The following ARHGAP29 variants were observed in gnomAD, a reference collection of about 807,000 sequenced individuals.
ARHGAP29 encodes Rho GTPase activating protein 29.
ARHGAP29 carries 43 observed loss-of-function variants against 122.6 expected under a neutral mutation model. The observed-to-expected ratio is 0.35, with a 90% confidence interval of 0.27 to 0.45. The LOEUF is 0.45. Ranked by LOEUF, ARHGAP29 falls within the 20% of genes least tolerant of loss-of-function variation. The pLI, the probability that ARHGAP29 is intolerant of heterozygous loss-of-function variation, is 1.00. For synonymous variants in ARHGAP29, 506 were observed against 497.1 expected, an observed-to-expected ratio of 1.02 and a Z score of -0.24; for missense variants, 1,303 against 1,477.2, an observed-to-expected ratio of 0.88 and a Z score of 1.93.
At chr1:94,180,685 C>G (rs1289285027) in intron 19 of ARHGAP29, among the ~76,000 whole-genome samples, 1 of 152,174 alleles carries the variant, frequency 6.6e-6, no homozygotes, top group Non-Finnish European at 1.5e-5. Flanking sequence ...CTACACCACT[C>G]TGGGATCTGA....
chr1:94,219,650 G>A lies in ARHGAP29; in HGVS notation c.340+608C>T, dbSNP rs928656722. 2.6e-5 allele frequency among the ~76,000 whole-genome samples: 4 copies of A among 151,764 alleles called. No individual in the cohort carries two copies. In the East Asian group the frequency reaches 7.7e-4, roughly 29 times the overall value. On this transcript the variant is annotated intron_variant, in intron 3 of 22. Coordinates refer to ENST00000260526, the MANE Select transcript of ARHGAP29 (RefSeq NM_004815.4). ...TCATTTCTTCTCAAATACTCACTTCGCTCTCAATCCTTCTTTTATATACTG... is the reference window on the plus strand; with the variant it reads ...TCATTTCTTCTCAAATACTCACTTCACTCTCAATCCTTCTTTTATATACTG...
At chr1:94,263,519 G>A (rs1654641778) in intron 1 of ARHGAP29, among the ~76,000 whole-genome samples, 1 of 152,142 alleles carries the variant, frequency 6.6e-6, no homozygotes, top group African/African-American at 2.4e-5. Context: ...AATATCACAT[G>A]AGGAGGCAGA....
chr1:94,198,826 G>A lies in ARHGAP29; in HGVS notation c.1281+2894C>T, dbSNP rs76244196. ...AAAATGTTGGCAAGAGTTTTTTGGA[G>A]ATATGGACAAGCTGATTCTAACATT... is the stretch of plus-strand genomic sequence containing the variant. On this transcript the variant is annotated intron_variant, in intron 12 of 22. Transcript: ENST00000260526. Among the ~76,000 whole-genome samples the A allele has an allele frequency of 3.6e-3, 554 of 152,258 alleles. 1 individual carries two copies. Among genetic ancestry groups the A allele is most frequent in the African/African-American group, 0.013 (528 of 41,568 alleles).
chr1:94,272,364 C>T (rs1390738926), intron 1 of ARHGAP29, among the ~76,000 whole-genome samples: 1 of 152,168 alleles, frequency 6.6e-6, no homozygotes, highest in East Asian at 1.9e-4. Context: ...AGAGCTGCTC[C>T]TTGAACTTGT....
At chr1:94,237,651 G>C (rs1398809108), upstream of ARHGAP29, 5 of 986,336 alleles carry the variant, frequency 5.1e-6, no homozygotes, top group Non-Finnish European at 4.8e-6. Flanking sequence ...CCGCCCCCTG[G>C]AGCCCAGCCC....
At chr1:94,260,229 T>C (rs1654508325) in intron 1 of ARHGAP29, among the ~76,000 whole-genome samples, 1 of 152,348 alleles carries the variant, frequency 6.6e-6, no homozygotes, top group African/African-American at 2.4e-5. Flanking sequence ...CCTGTCTATC[T>C]GAGGGGCTTC....
At chr1:94,298,262 G>A in the ARHGAP29 span, among the ~76,000 whole-genome samples, 6 of 152,076 alleles carry the variant, frequency 3.9e-5, no homozygotes, top group Admixed American at 3.3e-4. Flanking sequence ...TTTAAGTAAC[G>A]TGCATTTAAT....
intron 20 of ARHGAP29, 148 bp from the exon 21 acceptor site, chr1:94,178,315 G>A: frequency 1.4e-6 from 1 of 711,040 alleles, no homozygotes; most frequent in Non-Finnish European, 2.2e-6. Flanking sequence ...ATATTTATTT[G>A]ATTAAAATAT....
upstream of ARHGAP29, among the ~76,000 whole-genome samples, chr1:94,277,715 CCCT>C (rs1341461063): frequency 6.6e-6 from 1 of 152,056 alleles, no homozygotes; most frequent in East Asian, 1.9e-4. Context: ...CTCTGCAATT[CCCT>C]CCTCCTTCTC....
the ARHGAP29 span, among the ~76,000 whole-genome samples, chr1:94,286,088 T>C: frequency 3.9e-5 from 6 of 152,134 alleles, no homozygotes; most frequent in Admixed American, 3.3e-4. Flanking sequence ...TTCACAGTTA[T>C]GAGGGCTGGA....
intron 12 of ARHGAP29, chr1:94,191,644 AC>A (rs1336622624): frequency 6.6e-6 from 1 of 152,194 alleles, no homozygotes; most frequent in Non-Finnish European, 1.5e-5. Flanking sequence ...ACGCTAGGTG[AC>A]CTTCATCAAG....
intron 2 of ARHGAP29, among the ~76,000 whole-genome samples, chr1:94,230,124 T>C (rs1272359172): frequency 6.6e-6 from 1 of 151,722 alleles, no homozygotes; most frequent in African/African-American, 2.4e-5. Context: ...TATCAAGAAG[T>C]ATACATTTTA....
At chr1:94,219,291 T>C (rs1015790677) in intron 3 of ARHGAP29, among the ~76,000 whole-genome samples, 1 of 152,156 alleles carries the variant, frequency 6.6e-6, no homozygotes. Flanking sequence ...TCCATCTCCC[T>C]ACCTGTTAGG....
At chr1:94,215,527 T>C (rs1018988217) in intron 3 of ARHGAP29, among the ~76,000 whole-genome samples, 2 of 151,974 alleles carry the variant, frequency 1.3e-5, no homozygotes, top group African/African-American at 4.8e-5. Context: ...TGTGAGAATG[T>C]AGTGTATTTA....
chr1:94,264,654 C>A (rs1294858673), intron 1 of ARHGAP29, among the ~76,000 whole-genome samples: 1 of 152,100 alleles, frequency 6.6e-6, no homozygotes, highest in African/African-American at 2.4e-5. Context: ...TTACCTGGGG[C>A]TCAGTCACCT....
chr1:94,207,955 C>G (rs1651321667), intron 5 of ARHGAP29, among the ~76,000 whole-genome samples: 1 of 151,694 alleles, frequency 6.6e-6, no homozygotes, highest in African/African-American at 2.4e-5. Flanking sequence ...AATCCCCCCT[C>G]TCAGCTTCCC....
At chr1:94,220,974 C>T (rs1406167419) in intron 2 of ARHGAP29, among the ~76,000 whole-genome samples, 1 of 152,122 alleles carries the variant, frequency 6.6e-6, no homozygotes, top group African/African-American at 2.4e-5. Flanking sequence ...CCACATTCCT[C>T]CTTGGCCACA....
At chr1:94,247,104 C>T (rs757217715) in intron 1 of ARHGAP29, among the ~76,000 whole-genome samples, 2 of 152,180 alleles carry the variant, frequency 1.3e-5, no homozygotes, top group African/African-American at 2.4e-5. Flanking sequence ...GTCTGTTTTA[C>T]TCAGCCTTTG....
At position 94,173,828 on chromosome 1, in the gene ARHGAP29, A is replaced by T. The variant is rs1287081459; in HGVS notation, c.*41T>A. On this transcript the variant is annotated 3_prime_UTR_variant, in exon 23 of 23. Coordinates refer to ENST00000260526, the MANE Select transcript of ARHGAP29 (RefSeq NM_004815.4). ...CACAAAACAAGCACAATACCACAAA[A>T]TAACACAACAACAACAAAAAAACCC... The T allele has an allele frequency of 6.5e-7, 1 of 1,550,056 alleles. No individual in the cohort carries two copies. The highest frequency in any genetic ancestry group is 1.4e-5 in the African/African-American group (1 of 72,740).
Sources: gnomAD v4.1 joint callset for allele counts (sites outside exome capture counted in the v4.1 genomes callset) on GRCh38, gnomAD v4.1.1 for gene constraint, MANE v1.5 for transcripts, NCBI Gene and HGNC (gene_info 2026-07-23, HGNC 2026-07-21) for gene names.